Variants in CHRNA7 observed in about 807,000 individuals in gnomAD.
The protein encoded by CHRNA7 is cholinergic receptor nicotinic alpha 7 subunit.
CHRNA7 carries 17 observed loss-of-function variants against 48.0 expected under a neutral mutation model. That is an observed-to-expected ratio of 0.35 (90% CI 0.24 to 0.53). CHRNA7 has a LOEUF of 0.53. Among genes scored for constraint, CHRNA7 ranks in the 20% least tolerant of loss-of-function variants. CHRNA7 has a pLI of 0.92. For missense variants in CHRNA7, 155 were observed against 577.7 expected, an observed-to-expected ratio of 0.27 and a Z score of 7.50; for synonymous variants, 75 against 242.3, an observed-to-expected ratio of 0.31 and a Z score of 6.41.
chr15:32,149,186 A>G lies in CHRNA7; in HGVS notation c.351-4721A>G, dbSNP rs985248233. ...GTGTCTTCCAGTAGTCAAAATAAAG[A>G]ATATATTTGGCCATTTTCAGACTAT... is the stretch of plus-strand genomic sequence containing the variant. On this transcript the variant is annotated intron_variant, in intron 4 of 9. Coordinates refer to ENST00000306901, the MANE Select transcript of CHRNA7 (RefSeq NM_000746.6). The surrounding 1 kb of genome is among the most constrained non-coding windows in gnomAD (Gnocchi z 4.6). 2.0e-5 allele frequency among the ~76,000 whole-genome samples: 3 copies of G among 152,194 alleles called. No homozygotes were observed. The highest frequency in any genetic ancestry group is 7.2e-5 in the African/African-American group (3 of 41,448).
At chr15:32,112,671 A>G (rs758326858) in intron 4 of CHRNA7, among the ~76,000 whole-genome samples, 1 of 152,152 alleles carries the variant, frequency 6.6e-6, no homozygotes, top group African/African-American at 2.4e-5. Flanking sequence ...CATGACCGCT[A>G]CCTTTGGTCA....
chr15:32,088,956 C>T (rs1566830393), intron 2 of CHRNA7, among the ~76,000 whole-genome samples: 4 of 152,132 alleles, frequency 2.6e-5, no homozygotes, highest in Admixed American at 6.5e-5. Context: ...TTGCATGGAT[C>T]ATCATGCCTT....
At chr15:32,144,898 C>T (rs1416698758) in intron 4 of CHRNA7, among the ~76,000 whole-genome samples, 1 of 152,166 alleles carries the variant, frequency 6.6e-6, no homozygotes, top group East Asian at 1.9e-4. Context: ...TTATTGCCGA[C>T]CTTCTGAAAC....
chr15:32,136,845 C>A (rs111956147), intron 4 of CHRNA7, among the ~76,000 whole-genome samples: 3,912 of 144,288 alleles, frequency 0.027, 214 homozygotes, highest in African/African-American at 0.099. Flanking sequence ...TCCCGGCTAA[C>A]ACGGTGAAAC....
chr15:32,111,945 C>A, intron 4 of CHRNA7, 46 bp downstream of exon 4: 2 of 1,066,116 alleles, frequency 1.9e-6, no homozygotes, highest in Non-Finnish European at 2.9e-6. Context: ...TGCTTGCATA[C>A]ATGTAGCTAT....
At chr15:32,043,855 CTG>C (rs750494359) in intron 2 of CHRNA7, among the ~76,000 whole-genome samples, 12 of 152,244 alleles carry the variant, frequency 7.9e-5, no homozygotes, top group Non-Finnish European at 1.5e-4. Flanking sequence ...TCTTGAGAGT[CTG>C]GAAGTAGCAC....
chr15:32,051,324 T>C (rs2049671340), intron 2 of CHRNA7, among the ~76,000 whole-genome samples: 1 of 152,168 alleles, frequency 6.6e-6, no homozygotes, highest in Non-Finnish European at 1.5e-5. Context: ...TCCTGGCTGC[T>C]TTGTTTACCT....
At chr15:32,081,246 T>G (rs1042210227) in intron 2 of CHRNA7, among the ~76,000 whole-genome samples, 1 of 151,970 alleles carries the variant, frequency 6.6e-6, no homozygotes, top group Non-Finnish European at 1.5e-5. Context: ...TGGCACATGT[T>G]TACCTGTGTA....
At chr15:32,139,028 A>G (rs1176731840) in intron 4 of CHRNA7, among the ~76,000 whole-genome samples, 1 of 152,210 alleles carries the variant, frequency 6.6e-6, no homozygotes, top group African/African-American at 2.4e-5. Context: ...TGCTGGGATT[A>G]CAGGCGTGAG....
intron 4 of CHRNA7, among the ~76,000 whole-genome samples, chr15:32,133,339 C>G (rs568544834): frequency 1.3e-5 from 2 of 152,266 alleles, no homozygotes; most frequent in East Asian, 3.9e-4. Context: ...TTTATCTAGG[C>G]TACGTAAAAC....
chr15:32,052,069 A>G (rs1426462739), intron 2 of CHRNA7, among the ~76,000 whole-genome samples: 3 of 152,176 alleles, frequency 2.0e-5, no homozygotes. Flanking sequence ...AGCATTATTA[A>G]ATAATCACCA....
intron 2 of CHRNA7, among the ~76,000 whole-genome samples, chr15:32,046,130 C>CGT (rs1316134523): frequency 3.3e-5 from 5 of 151,912 alleles, no homozygotes; most frequent in East Asian, 1.9e-4. Context: ...AATAAACATA[C>CGT]GTGTGTGTGT....
At chr15:32,107,130 A>G (rs1198478996) in intron 3 of CHRNA7, among the ~76,000 whole-genome samples, 3 of 152,204 alleles carry the variant, frequency 2.0e-5, no homozygotes, top group Non-Finnish European at 4.4e-5. Flanking sequence ...GTTTTCTGAC[A>G]TCAAACGTGT....
chr15:32,097,604 C>G (rs1566836145), intron 2 of CHRNA7, among the ~76,000 whole-genome samples: 1 of 152,176 alleles, frequency 6.6e-6, no homozygotes, highest in Non-Finnish European at 1.5e-5. Context: ...TTTTTATAAG[C>G]TACCCAGTGT....
intron 2 of CHRNA7, among the ~76,000 whole-genome samples, chr15:32,065,236 C>T (rs2049944980): frequency 6.6e-6 from 1 of 152,192 alleles, no homozygotes; most frequent in South Asian, 2.1e-4. Flanking sequence ...AGCCTTGAAT[C>T]TGCAATTCAG....
At chr15:32,136,893 G>A (rs531832734) in intron 4 of CHRNA7, among the ~76,000 whole-genome samples, 23 of 150,336 alleles carry the variant, frequency 1.5e-4, no homozygotes, top group South Asian at 6.3e-4. Context: ...TTAGCCGGGC[G>A]TGGTGGCGGG....
At chr15:32,144,215 A>G (rs1331162410) in intron 4 of CHRNA7, among the ~76,000 whole-genome samples, 1 of 151,806 alleles carries the variant, frequency 6.6e-6, no homozygotes, top group Non-Finnish European at 1.5e-5. Context: ...TGGGTTGAAA[A>G]TTCTTTAAGA....
At chr15:32,139,038 G>A (rs1488771942) in intron 4 of CHRNA7, among the ~76,000 whole-genome samples, 1 of 152,186 alleles carries the variant, frequency 6.6e-6, no homozygotes, top group Non-Finnish European at 1.5e-5. Context: ...ACAGGCGTGA[G>A]CCACTGCGCC....
intron 2 of CHRNA7, among the ~76,000 whole-genome samples, chr15:32,082,132 G>A (rs760721707): frequency 6.6e-6 from 1 of 152,018 alleles, no homozygotes; most frequent in Non-Finnish European, 1.5e-5. Context: ...TTTTTAAGGT[G>A]TTTGTGTGGT....
Sources: gnomAD v4.1 joint callset for allele counts (sites outside exome capture counted in the v4.1 genomes callset) on GRCh38, gnomAD v4.1.1 for gene constraint, Gnocchi (gnomAD v3.1) non-coding constraint, MANE v1.5 for transcripts, NCBI Gene and HGNC (gene_info 2026-07-23, HGNC 2026-07-21) for gene names.